FCN1: variants seen among roughly 807,000 people sequenced by gnomAD.
FCN1 encodes the protein ficolin-1.
FCN1 carries 42 observed loss-of-function variants against 35.6 expected under a neutral mutation model. That is an observed-to-expected ratio of 1.18 (90% confidence interval 0.92 to 1.53). The LOEUF (loss-of-function observed/expected upper bound fraction) is 1.53, where lower values mean the gene tolerates loss of function less well. Ranked by LOEUF, FCN1 falls within the 40% of genes most tolerant of loss-of-function variation. The pLI, the probability that FCN1 is intolerant of heterozygous loss-of-function variation, is 0.00. For synonymous variants in FCN1, 179 were observed against 169.8 expected (o/e 1.05, Z -0.42); for missense variants, 439 against 428.4 (o/e 1.02, Z -0.22).
intron 4 of FCN1, among the ~76,000 whole-genome samples, chr9:134,914,006 C>G (rs1831060200): frequency 6.6e-6 from 1 of 152,248 alleles, no homozygotes; most frequent in Admixed American, 6.5e-5. Flanking sequence ...GGCGGACCCT[C>G]AGCCCCCGGC....
At chr9:134,912,296 C>A (rs966478615) in intron 7 of FCN1, among the ~76,000 whole-genome samples, 190 bp downstream of exon 7, 7 of 152,202 alleles carry the variant, frequency 4.6e-5, no homozygotes, top group African/African-American at 1.7e-4. Flanking sequence ...GGGCTCTAAC[C>A]GTTTCCCTTC....
In FCN1 at chr9:134,914,729, C is replaced by T. The variant is rs770392700; in HGVS notation, c.271+27G>A. On this transcript the variant is annotated intron_variant, in intron 3 of 8. Transcript: ENST00000371806. ...ACAGCTCCAAGGTCCCTGCTCAAGGCCTCCTCGCTGTCTGTCCCCTGGTTA... is the reference window on the plus strand; with the variant it reads ...ACAGCTCCAAGGTCCCTGCTCAAGGTCTCCTCGCTGTCTGTCCCCTGGTTA... 65 of 1,586,314 alleles carry T rather than the reference C, an allele frequency of 4.1e-5. 1 individual carries two copies. The highest frequency in any genetic ancestry group is 4.0e-4 in the East Asian group (18 of 44,542).
At position 134,908,760 on chromosome 9, in the gene FCN1, A is replaced by G. The variant is rs1830984598; in HGVS notation, c.*1038T>C. ...ACTGCTGAGTCCTGCCTGCTGGCCC[A>G]GTAAGGCCCAGGGACTCCAGATCTA... On this transcript the variant is annotated 3_prime_UTR_variant, in exon 9 of 9. Coordinates refer to ENST00000371806, the MANE Select transcript of FCN1 (RefSeq NM_002003.5). 1 of 168,486 alleles carries G rather than the reference A, an allele frequency of 5.9e-6. No individual in the cohort carries two copies. Among genetic ancestry groups the G allele is most frequent in the Non-Finnish European group, 1.3e-5 (1 of 78,014 alleles). The allele number at this position is 168,486 out of a possible 1,614,324, so 10.4% of individuals were successfully genotyped here.
In FCN1 at chr9:134,909,222, A is replaced by G. The variant is rs1830989923; in HGVS notation, c.*576T>C. The G allele has an allele frequency of 7.8e-7, 1 of 1,289,706 alleles. No homozygotes were observed. 79.9% of individuals were successfully genotyped at this position (1,289,706 alleles called of 1,614,324 possible). On this transcript the variant is annotated 3_prime_UTR_variant, in exon 9 of 9. Transcript: ENST00000371806. The stretch of plus-strand genomic sequence containing the variant: ...TCTTCCCAGCAGCCAGCCAGCCCAA[A>G]GCATGAACTCTGCCGTGGTGGGAAG...
chr9:134,910,306 C>G (rs1105325), intron 8 of FCN1, among the ~76,000 whole-genome samples: 81,500 of 151,898 alleles, frequency 0.54, 22,764 homozygotes, highest in Non-Finnish European at 0.63. Context: ...CTCCCGCAAA[C>G]TGTCAGGCCT....
Position 134,904,471 on chromosome 9 carries a change from G to T in FCN1, c.*5327C>A, listed in dbSNP as rs1335971999. ...TAAAAGTGGACAGAATTCATCCTCA[G>T]CAGACTTTCATCAAAAAATATATGA... On this transcript the variant is annotated 3_prime_UTR_variant, in exon 9 of 9. Coordinates refer to ENST00000371806, the MANE Select transcript of FCN1 (RefSeq NM_002003.5). Among the ~76,000 whole-genome samples, 1 of 152,122 alleles carries T rather than the reference G, an allele frequency of 6.6e-6. No individual in the cohort carries two copies. Among genetic ancestry groups the T allele is most frequent in the Non-Finnish European group, 1.5e-5 (1 of 68,018 alleles).
At chr9:134,910,959 C>A (rs145788308) in intron 8 of FCN1, among the ~76,000 whole-genome samples, 174 bp downstream of exon 8, 53 of 152,316 alleles carry the variant, frequency 3.5e-4, no homozygotes, top group African/African-American at 1.2e-3. Context: ...GAATACCAGC[C>A]GCTATGTCCT....
chr9:134,913,129 T>C lies in FCN1; in HGVS notation c.355A>G (p.Lys119Glu). The change falls in exon 6 of 9, where the codon AAG (lysine) becomes GAG (glutamate). Residue 119 changes from lysine (K) to glutamate (E), a missense_variant. Transcript: ENST00000371806. ...QSCATGPRNC[K>E]DLLDRGYFLS... is the part of the protein sequence containing the mutation. ...AAATACCCCCGGTCTAGCAGGTCCT[T>C]GCAGTTGCGTGGGCCTGGGAAGGGA... 1 of 1,613,876 alleles carries C rather than the reference T, an allele frequency of 6.2e-7. No individual in the cohort carries two copies.
intron 2 of FCN1, among the ~76,000 whole-genome samples, chr9:134,916,076 A>G (rs1831088063): frequency 1.3e-5 from 2 of 152,230 alleles, no homozygotes; most frequent in African/African-American, 4.8e-5. Context: ...GTAGCTGAGC[A>G]AAGCTGGTAT....
chr9:134,905,406 A>G lies in FCN1; in HGVS notation c.*4392T>C, dbSNP rs995969209. Among the ~76,000 whole-genome samples the G allele has an allele frequency of 1.3e-5, 2 of 152,098 alleles. No individual in the cohort carries two copies. The highest frequency in any genetic ancestry group is 2.9e-5 in the Non-Finnish European group (2 of 68,022). ...TTCAGCTTTATCCCTCAAATCACAA[A>G]AGCTCTCTCAGTTCTGCTGATGTGA... is the stretch of plus-strand genomic sequence containing the variant. On this transcript the variant is annotated 3_prime_UTR_variant, in exon 9 of 9. Coordinates refer to ENST00000371806, the MANE Select transcript of FCN1 (RefSeq NM_002003.5).
intron 6 of FCN1, 26 bp from the exon 7 acceptor site, chr9:134,912,641 T>C: frequency 6.2e-7 from 1 of 1,613,990 alleles, no homozygotes; most frequent in Non-Finnish European, 8.5e-7. Flanking sequence ...GATACAGAGT[T>C]AGGCGGGGCA....
intron 4 of FCN1, 27 bp from the exon 5 acceptor site, chr9:134,913,640 A>T (rs1277195005): frequency 6.3e-7 from 1 of 1,586,100 alleles, no homozygotes; most frequent in Non-Finnish European, 8.6e-7. Flanking sequence ...GACACTTGTC[A>T]TAAGCTTGAA....
chr9:134,912,336 C>T (rs941200277), intron 7 of FCN1, 150 bp downstream of exon 7: 24 of 762,552 alleles, frequency 3.1e-5, no homozygotes, highest in Middle Eastern at 3.7e-4. Context: ...CGGCAGGGGA[C>T]GCAGCCCTTA....
chr9:134,911,036 A>C (rs1429829997), intron 8 of FCN1, 97 bp downstream of exon 8: 2 of 1,261,562 alleles, frequency 1.6e-6, no homozygotes, highest in Non-Finnish European at 2.3e-6. Flanking sequence ...AATGGGATTC[A>C]GAGAGAGGAG....
intron 4 of FCN1, among the ~76,000 whole-genome samples, chr9:134,914,003 C>T (rs949902245): frequency 1.3e-5 from 2 of 152,222 alleles, no homozygotes; most frequent in African/African-American, 4.8e-5. Flanking sequence ...ATCGGCGGAC[C>T]CTCAGCCCCC....
Position 134,913,036 on chromosome 9 carries a change from T to C in FCN1, c.448A>G (p.Thr150Ala), listed in dbSNP as rs1831044917. 1 of 1,612,712 alleles carries C rather than the reference T, an allele frequency of 6.2e-7. No homozygotes were observed. The highest frequency in any genetic ancestry group is 1.7e-5 in the Admixed American group (1 of 59,776). The part of the protein sequence containing the change: ...RPLTVLCDMD[T>A]DGGGWTVFQR... ...CTCACGGTCCAGCCCCCTCCGTCCG[T>C]GTCCATGTCACAGAGCACAGTCAGG... Residue 150 changes from threonine to alanine, a missense_variant, in exon 6 of 9, where the codon ACG becomes GCG. Physicochemically the swap from Thr to Ala is moderately conservative, Grantham distance 58 (BLOSUM62 0). Coordinates refer to ENST00000371806, the MANE Select transcript of FCN1 (RefSeq NM_002003.5).
chr9:134,905,053 T>C lies in FCN1; in HGVS notation c.*4745A>G, dbSNP rs1830924165. On this transcript the variant is annotated 3_prime_UTR_variant, in exon 9 of 9. Coordinates refer to ENST00000371806, the MANE Select transcript of FCN1 (RefSeq NM_002003.5). ...AGTTAGAGGTGTTTCAAAGTCTTCA[T>C]TGGTAAAGTGGTAGAAGGAATAATT... Among the ~76,000 whole-genome samples the C allele has an allele frequency of 6.6e-6, 1 of 152,182 alleles. No individual in the cohort carries two copies. The highest frequency in any genetic ancestry group is 2.1e-4 in the South Asian group (1 of 4,816).
chr9:134,910,514 C>A (rs562687426), intron 8 of FCN1, among the ~76,000 whole-genome samples: 54 of 152,288 alleles, frequency 3.5e-4, no homozygotes, highest in African/African-American at 1.3e-3. Context: ...TCGGTTTTAC[C>A]ACCTGCAAAA....
chr9:134,917,910 A>T lies in FCN1; in HGVS notation c.-39T>A, dbSNP rs1412233315. On this transcript the variant is annotated 5_prime_UTR_variant, in exon 1 of 9. Coordinates refer to ENST00000371806, the MANE Select transcript of FCN1 (RefSeq NM_002003.5). ...TGACTCTGAAGAGTCCCCCAGCTCTAACAGGGCAGAGGAAACCAGCTCTCG... is the reference window on the plus strand; with the variant it reads ...TGACTCTGAAGAGTCCCCCAGCTCTTACAGGGCAGAGGAAACCAGCTCTCG... 1 of 1,451,860 alleles carries T rather than the reference A, an allele frequency of 6.9e-7. No individual in the cohort carries two copies. Among genetic ancestry groups the T allele is most frequent in the Admixed American group, 1.7e-5 (1 of 59,610 alleles). The allele number at this position is 1,451,860 out of a possible 1,614,324, so 89.9% of individuals were successfully genotyped here.
Sources: allele counts gnomAD v4.1 joint callset (sites outside exome capture counted in the v4.1 genomes callset), GRCh38; gene constraint gnomAD v4.1.1; transcripts MANE v1.5; gene names NCBI Gene and HGNC (gene_info 2026-07-23, HGNC 2026-07-21).